Variants in ALK observed in about 807,000 individuals in gnomAD.
ALK encodes the protein ALK receptor tyrosine kinase, also known as ALK tyrosine kinase receptor.
In ALK, 74 loss-of-function variants were observed where a neutral mutation model predicts 163.1. That is an observed-to-expected ratio of 0.45 (90% CI 0.38 to 0.55). ALK has a LOEUF of 0.55. ALK is among the 20% of genes least tolerant of loss of function. ALK has a pLI of 0.00. For synonymous variants in ALK, 960 were observed against 843.2 expected (o/e 1.14, Z -2.40); for missense variants, 2,063 against 2,105.3 (o/e 0.98, Z 0.39).
At position 29,425,710 on chromosome 2, in the gene ALK, G is replaced by T. The variant is rs375240567; in HGVS notation, c.1155-41851C>A. Reference sequence around the variant, plus strand: ...CTGTGGCTCAGAGATTTTGCCCAGGGAGAGAAGAAGGCCATAAGAATAGAG... The same window carrying T: ...CTGTGGCTCAGAGATTTTGCCCAGGTAGAGAAGAAGGCCATAAGAATAGAG... On this transcript the variant is annotated intron_variant, in intron 4 of 28. Coordinates refer to ENST00000389048, the MANE Select transcript of ALK (RefSeq NM_004304.5). Among the ~76,000 whole-genome samples the T allele has an allele frequency of 7.9e-5, 12 of 152,298 alleles. No homozygotes were observed. The East Asian group carries it at 2.1e-3, about 27-fold the overall frequency.
intron 11 of ALK, among the ~76,000 whole-genome samples, chr2:29,257,009 AG>A (rs1239252223): frequency 2.6e-5 from 4 of 152,192 alleles, no homozygotes; most frequent in Non-Finnish European, 5.9e-5. Flanking sequence ...GAGAAGATCA[AG>A]GTCACAGTGA....
intron 1 of ALK, among the ~76,000 whole-genome samples, chr2:29,739,178 G>A (rs985567055): frequency 6.9e-6 from 1 of 145,094 alleles, no homozygotes; most frequent in South Asian, 2.2e-4. Flanking sequence ...GTTTGAGGCT[G>A]CAGTGAGATA....
chr2:29,675,005 G>A (rs1677830591), intron 3 of ALK, among the ~76,000 whole-genome samples: 2 of 150,888 alleles, frequency 1.3e-5, no homozygotes, highest in African/African-American at 4.9e-5. Context: ...GTATTTCTGT[G>A]GGATCGGTGG....
rs142413047 is a variant in ALK at position 29,241,734 on chromosome 2, C to T, written c.2205-1904G>A. On this transcript the variant is annotated intron_variant, in intron 12 of 28. Transcript: ENST00000389048. The stretch of plus-strand genomic sequence containing the variant: ...GGGCTGTGGGCTGATTACCAGCATC[C>T]TCCAATGTGCCAGGCACAATGCATG... 4.1e-3 allele frequency among the ~76,000 whole-genome samples: 624 copies of T among 152,184 alleles called. 19 individuals are homozygous for T. The highest frequency in any genetic ancestry group is 0.038 in the Admixed American group (581 of 15,284).
At chr2:29,805,274 C>G (rs1199216571) in intron 1 of ALK, among the ~76,000 whole-genome samples, 1 of 152,190 alleles carries the variant, frequency 6.6e-6, no homozygotes, top group African/African-American at 2.4e-5. Context: ...TAGGCTCGAG[C>G]TCCTGGGAGC....
intron 8 of ALK, 53 bp downstream of exon 8, chr2:29,318,251 G>T: frequency 6.8e-7 from 1 of 1,465,424 alleles, no homozygotes; most frequent in Non-Finnish European, 9.6e-7. Context: ...GGTTCCGGAA[G>T]TGACAAGAGG....
chr2:29,852,970 G>A (rs1267809931), intron 1 of ALK, among the ~76,000 whole-genome samples: 1 of 151,944 alleles, frequency 6.6e-6, no homozygotes, highest in Non-Finnish European at 1.5e-5. Flanking sequence ...CCTTGGTTTT[G>A]GACTTCTCAG....
At chr2:29,661,018 A>T (rs187168767) in intron 3 of ALK, among the ~76,000 whole-genome samples, 1 of 152,222 alleles carries the variant, frequency 6.6e-6, no homozygotes, top group East Asian at 1.9e-4. Context: ...AGTTAAAAGC[A>T]CTTACTCTGC....
At chr2:29,689,569 A>G (rs1303510919) in intron 3 of ALK, among the ~76,000 whole-genome samples, 5 of 152,182 alleles carry the variant, frequency 3.3e-5, no homozygotes, top group Admixed American at 2.0e-4. Context: ...TGAAGGGTCT[A>G]AGAATTCACA....
intron 5 of ALK, among the ~76,000 whole-genome samples, chr2:29,356,178 G>T (rs1424636107): frequency 6.6e-6 from 1 of 152,186 alleles, no homozygotes; most frequent in African/African-American, 2.4e-5. Context: ...GTTCCGCAGA[G>T]CAATAATAGC....
chr2:29,250,348 G>C (rs540358052), intron 12 of ALK, among the ~76,000 whole-genome samples: 2 of 152,206 alleles, frequency 1.3e-5, no homozygotes, highest in Non-Finnish European at 2.9e-5. Flanking sequence ...CATAGAGCTC[G>C]TTTGGGGGCC....
chr2:29,300,230 G>A (rs903144115), intron 8 of ALK, among the ~76,000 whole-genome samples: 2 of 152,128 alleles, frequency 1.3e-5, no homozygotes, highest in Admixed American at 6.5e-5. Context: ...GTGGAGGAAG[G>A]TGGAAGTGAC....
chr2:29,265,394 G>A (rs984581950), intron 11 of ALK, among the ~76,000 whole-genome samples: 2 of 152,114 alleles, frequency 1.3e-5, no homozygotes, highest in Non-Finnish European at 2.9e-5. Flanking sequence ...CATGTCTGAC[G>A]AAATGGATTG....
chr2:29,456,240 A>G (rs1670949241), intron 4 of ALK, among the ~76,000 whole-genome samples: 1 of 152,214 alleles, frequency 6.6e-6, no homozygotes, highest in South Asian at 2.1e-4. Flanking sequence ...GAGAATTGAA[A>G]GCAGGGAGTC....
chr2:29,233,497 G>A (rs866258686), intron 14 of ALK, 68 bp downstream of exon 14: 6 of 1,606,704 alleles, frequency 3.7e-6, no homozygotes, highest in Middle Eastern at 1.9e-4. Flanking sequence ...CTATCCCAGG[G>A]CTGTCATGAG....
chr2:29,418,804 G>C (rs1669944613), intron 4 of ALK, among the ~76,000 whole-genome samples: 2 of 151,658 alleles, frequency 1.3e-5, no homozygotes, highest in Non-Finnish European at 2.9e-5. Context: ...CTTTGCATTG[G>C]GTGGTATAGG....
intron 3 of ALK, among the ~76,000 whole-genome samples, chr2:29,551,435 C>T (rs2148175319): frequency 6.6e-6 from 1 of 152,214 alleles, no homozygotes; most frequent in African/African-American, 2.4e-5. Flanking sequence ...TAATCCTGAA[C>T]TATGCATGTG....
chr2:29,637,661 A>G (rs539775538), intron 3 of ALK, among the ~76,000 whole-genome samples: 25 of 142,846 alleles, frequency 1.8e-4, no homozygotes, highest in Admixed American at 3.7e-4. Flanking sequence ...GTGAGCCGAC[A>G]TTGCACCGCC....
chr2:29,254,311 A>G (rs1167898039), intron 11 of ALK, among the ~76,000 whole-genome samples: 11 of 152,086 alleles, frequency 7.2e-5, no homozygotes. Context: ...CTCTCTATAT[A>G]TATATATGAA....
Sources: allele counts gnomAD v4.1 joint callset (sites outside exome capture counted in the v4.1 genomes callset), GRCh38; gene constraint gnomAD v4.1.1; transcripts MANE v1.5; gene names NCBI Gene and HGNC (gene_info 2026-07-23, HGNC 2026-07-21).